SLC35D4: variants seen among roughly 807,000 people sequenced by gnomAD.
SLC35D4 encodes UDP-N-acetylglucosamine transporter SLC35D4.
chr18:23,426,930 T>C, the SLC35D4 span, among the ~76,000 whole-genome samples: 195 of 152,310 alleles, frequency 1.3e-3, 1 homozygote, highest in African/African-American at 4.7e-3. Context: ...GGATTCCCTA[T>C]TTAATAAATG....
chr18:23,303,765 G>A, the SLC35D4 span, among the ~76,000 whole-genome samples: 1 of 152,148 alleles, frequency 6.6e-6, no homozygotes, highest in Non-Finnish European at 1.5e-5. Flanking sequence ...GTCGGGCATG[G>A]TGGCGTGTGC....
chr18:23,368,682 A>G, the SLC35D4 span: 1 of 1,236,062 alleles, frequency 8.1e-7, no homozygotes, highest in Non-Finnish European at 1.1e-6. Context: ...TTAGGATATG[A>G]ATTGTTCTTT....
chr18:23,376,210 T>G, the SLC35D4 span, among the ~76,000 whole-genome samples: 133 of 152,332 alleles, frequency 8.7e-4, no homozygotes, highest in Non-Finnish European at 1.4e-3. Flanking sequence ...TATGTACACA[T>G]AAACATATAT....
the SLC35D4 span, among the ~76,000 whole-genome samples, chr18:23,371,935 G>GTTTTTTTTGTT: frequency 0.085 from 2,985 of 35,074 alleles, 322 homozygotes; most frequent in Admixed American, 0.19. Flanking sequence ...TGTTTTTTTT[G>GTTTTTTTTGTT]TTTTTTTTTT....
chr18:23,412,333 A>G, the SLC35D4 span, among the ~76,000 whole-genome samples: 2 of 152,186 alleles, frequency 1.3e-5, no homozygotes, highest in African/African-American at 4.8e-5. Flanking sequence ...CAAACAAACA[A>G]AAAGAAACCA....
the SLC35D4 span, among the ~76,000 whole-genome samples, chr18:23,374,806 A>C: frequency 1.4e-4 from 21 of 151,938 alleles, no homozygotes; most frequent in African/African-American, 5.1e-4. Flanking sequence ...TCTTTAGGGG[A>C]AAAAAATGTT....
At chr18:23,390,702 G>A in the SLC35D4 span, among the ~76,000 whole-genome samples, 2 of 152,106 alleles carry the variant, frequency 1.3e-5, no homozygotes, top group African/African-American at 4.8e-5. Flanking sequence ...GCACGGCTTC[G>A]GTCACTCTAC....
At chr18:23,383,166 C>T in the SLC35D4 span, among the ~76,000 whole-genome samples, 11 of 152,152 alleles carry the variant, frequency 7.2e-5, no homozygotes, top group Admixed American at 5.2e-4. Flanking sequence ...GAGCTGAGCT[C>T]AGCAGGAGGT....
At chr18:23,318,816 A>G in the SLC35D4 span, among the ~76,000 whole-genome samples, 1 of 152,132 alleles carries the variant, frequency 6.6e-6, no homozygotes, top group Admixed American at 6.5e-5. Context: ...GAGTCTAGAA[A>G]CCTTATTTAG....
At chr18:23,377,512 T>C in the SLC35D4 span, 1 of 766,412 alleles carries the variant, frequency 1.3e-6, no homozygotes, top group Admixed American at 3.7e-5. Flanking sequence ...AGACACAAAT[T>C]AGGGATATAT....
chr18:23,244,053 A>G, the SLC35D4 span, among the ~76,000 whole-genome samples: 2 of 152,120 alleles, frequency 1.3e-5, no homozygotes, highest in Non-Finnish European at 2.9e-5. Flanking sequence ...ATTTTTGACA[A>G]TCACTTCGTG....
chr18:23,395,879 T>C, the SLC35D4 span, among the ~76,000 whole-genome samples: 1 of 152,192 alleles, frequency 6.6e-6, no homozygotes, highest in African/African-American at 2.4e-5. Context: ...TTCATCAAGA[T>C]TGGTGACAGA....
At chr18:23,267,393 C>T in the SLC35D4 span, among the ~76,000 whole-genome samples, 5 of 152,130 alleles carry the variant, frequency 3.3e-5, no homozygotes, top group Admixed American at 1.3e-4. Flanking sequence ...TCTGAACGGG[C>T]GCTTCCTGCC....
chr18:23,244,945 C>T, the SLC35D4 span, among the ~76,000 whole-genome samples: 7 of 152,174 alleles, frequency 4.6e-5, no homozygotes, highest in Non-Finnish European at 8.8e-5. Context: ...TGAAGGAGGC[C>T]GGAGCTTTAT....
chr18:23,329,327 C>A, the SLC35D4 span, among the ~76,000 whole-genome samples: 1 of 152,120 alleles, frequency 6.6e-6, no homozygotes, highest in Non-Finnish European at 1.5e-5. Flanking sequence ...GGCTAATATC[C>A]AGAGTCTACA....
the SLC35D4 span, among the ~76,000 whole-genome samples, chr18:23,302,320 A>G: frequency 6.6e-6 from 1 of 152,222 alleles, no homozygotes; most frequent in Non-Finnish European, 1.5e-5. Flanking sequence ...AATTTTCTCC[A>G]CTAGCCCCCA....
At chr18:23,364,933 A>AAAAAAAAT in the SLC35D4 span, among the ~76,000 whole-genome samples, 14 of 15,796 alleles carry the variant, frequency 8.9e-4, 2 homozygotes, top group African/African-American at 2.0e-3. Context: ...AAAAAAAAAA[A>AAAAAAAAT]GGACTCCTTT....
the SLC35D4 span, among the ~76,000 whole-genome samples, chr18:23,354,401 G>T: frequency 6.7e-6 from 1 of 149,404 alleles, no homozygotes; most frequent in Admixed American, 6.7e-5. Context: ...GGCACCTGTA[G>T]TCCCAGCTAC....
At chr18:23,335,217 C>A in the SLC35D4 span, among the ~76,000 whole-genome samples, 1 of 152,198 alleles carries the variant, frequency 6.6e-6, no homozygotes, top group African/African-American at 2.4e-5. Flanking sequence ...ATGTAACAGA[C>A]AGTTATTTTC....
Sources: gnomAD v4.1 joint callset for allele counts (sites outside exome capture counted in the v4.1 genomes callset) on GRCh38, gnomAD v4.1.1 for gene constraint, MANE v1.5 for transcripts, NCBI Gene and HGNC (gene_info 2026-07-23, HGNC 2026-07-21) for gene names.